The following GTF3C1 variants were observed in gnomAD, a reference collection of about 807,000 sequenced individuals.
GTF3C1 encodes the protein general transcription factor IIIC subunit 1, also known as general transcription factor 3C polypeptide 1.
In GTF3C1, 57 loss-of-function variants were observed where a neutral mutation model predicts 226.7. The ratio of observed to expected loss-of-function variants is 0.25; its 90% CI spans 0.20 to 0.31. GTF3C1 has a LOEUF of 0.31. Ranked by LOEUF, GTF3C1 falls within the 10% of genes least tolerant of loss-of-function variation. The probability of loss-of-function intolerance (pLI) is 1.00; values close to 1 mark genes in which losing one functional copy is unlikely to be tolerated. For synonymous variants in GTF3C1, 1,090 were observed against 1,084.8 expected, an observed-to-expected ratio of 1.00 and a Z score of -0.09; for missense variants, 2,217 against 2,776.1, an observed-to-expected ratio of 0.80 and a Z score of 4.53.
intron 19 of GTF3C1, among the ~76,000 whole-genome samples, chr16:27,490,416 C>T (rs915565227): frequency 5.3e-5 from 8 of 152,298 alleles, no homozygotes; most frequent in Non-Finnish European, 8.8e-5. Flanking sequence ...TTGGAGACCT[C>T]GGCTTGATGG....
In GTF3C1 at chr16:27,534,649, C is replaced by A. The variant is rs533201473; in HGVS notation, c.753-1262G>T. 2.1e-4 allele frequency among the ~76,000 whole-genome samples: 32 copies of A among 152,358 alleles called. No homozygotes were observed. In the South Asian group the frequency reaches 2.5e-3, roughly 12 times the overall value. ...ACTTAATGCAGTGTTCTCTCTCCTA[C>A]CCCACAGCTGCCACCCTGTGTTCTT... On this transcript the variant is annotated intron_variant, in intron 4 of 36. Transcript: ENST00000356183.
chr16:27,492,152 C>A lies in GTF3C1; in HGVS notation c.3151+186G>T, dbSNP rs1272284213. 1.3e-5 allele frequency among the ~76,000 whole-genome samples: 2 copies of A among 152,172 alleles called. No individual in the cohort carries two copies. The highest frequency in any genetic ancestry group is 2.9e-5 in the Non-Finnish European group (2 of 68,020). ...CAACTGAGTGGGGGAACCGGAAGCACCCCACCCATTCAAGGCCCGCCACTT... is the reference window on the plus strand; with the variant it reads ...CAACTGAGTGGGGGAACCGGAAGCAACCCACCCATTCAAGGCCCGCCACTT... On this transcript the variant is annotated intron_variant, in intron 19 of 36. Transcript: ENST00000356183. This position sits in a 1 kb window ranked among gnomAD's most constrained non-coding sequence, Gnocchi z 5.0.
chr16:27,463,439 G>A lies in GTF3C1; in HGVS notation c.5924+102C>T. ...AGGTGCCGGGCAGGCTGTCAGAGCT[G>A]GTACCTGGGGAAAGACCCTCAAAGA... is the stretch of plus-strand genomic sequence containing the variant. On this transcript the variant is annotated intron_variant, in intron 35 of 36. Transcript: ENST00000356183. This position sits in a 1 kb window ranked among gnomAD's most constrained non-coding sequence, Gnocchi z 4.9. 1.3e-6 allele frequency: 1 copy of A among 745,906 alleles called. No individual in the cohort carries two copies. The highest frequency in any genetic ancestry group is 1.8e-5 in the African/African-American group (1 of 56,726). 46.2% of individuals were successfully genotyped at this position (745,906 alleles called of 1,614,324 possible).
At chr16:27,523,199 C>T (rs971152862) in intron 6 of GTF3C1, among the ~76,000 whole-genome samples, 1 of 152,168 alleles carries the variant, frequency 6.6e-6, no homozygotes, top group Admixed American at 6.5e-5. Context: ...TTAATAAACA[C>T]AGGATGACTG....
Position 27,469,252 on chromosome 16 carries a change from G to A in GTF3C1, c.5074+39C>T, listed in dbSNP as rs775540283. ...CCTCAGGGTCTTCCTGGATGATGGC[G>A]AGGCCAGGCCCTCCCACAGCACCAG... On this transcript the variant is annotated intron_variant, in intron 32 of 36. Transcript: ENST00000356183. This position sits in a 1 kb window ranked among gnomAD's most constrained non-coding sequence, Gnocchi z 4.5. 20 of 1,522,508 alleles carry A rather than the reference G, an allele frequency of 1.3e-5. No individual in the cohort carries two copies. The highest frequency in any genetic ancestry group is 6.0e-5 in the Admixed American group (3 of 49,806). 94.3% of individuals were successfully genotyped at this position (1,522,508 alleles called of 1,614,324 possible).
At position 27,483,128 on chromosome 16, in the gene GTF3C1, G is replaced by A. The variant is rs536534746; in HGVS notation, c.4002-3C>T. Reference sequence around the variant, plus strand: ...GGTACACCTCGGCCAGGCACACTCTGCAGGAAGAGGAGACAAAGCTGAAGT... The same window carrying A: ...GGTACACCTCGGCCAGGCACACTCTACAGGAAGAGGAGACAAAGCTGAAGT... On this transcript the variant is annotated splice_region_variant and splice_polypyrimidine_tract_variant and intron_variant, in intron 25 of 36. Transcript: ENST00000356183. The A allele has an allele frequency of 5.0e-5, 81 of 1,613,902 alleles. No individual in the cohort carries two copies. In the East Asian group the frequency reaches 1.2e-3, roughly 25 times the overall value.
chr16:27,466,232 T>A (rs1212234418), intron 32 of GTF3C1: 2 of 152,206 alleles, frequency 1.3e-5, no homozygotes, highest in Non-Finnish European at 2.9e-5. Context: ...ATCAAGAGAG[T>A]CTACGGGCAC....
chr16:27,494,401 A>AT (rs1230945122), intron 16 of GTF3C1, among the ~76,000 whole-genome samples: 1 of 149,754 alleles, frequency 6.7e-6, no homozygotes, highest in Non-Finnish European at 1.5e-5. Context: ...ACTCTGTCTC[A>AT]TAAAAAAAAA....
chr16:27,513,945 G>A (rs1334962645), intron 6 of GTF3C1, among the ~76,000 whole-genome samples: 1 of 152,146 alleles, frequency 6.6e-6, no homozygotes, highest in Non-Finnish European at 1.5e-5. Context: ...GGAAAGTCAG[G>A]CCCAACCACC....
At position 27,465,270 on chromosome 16, in the gene GTF3C1, T is replaced by A; in HGVS notation, c.5345A>T (p.Asp1782Val). The A allele has an allele frequency of 6.2e-7, 1 of 1,614,036 alleles. No homozygotes were observed. Among genetic ancestry groups the A allele is most frequent in the Non-Finnish European group, 8.5e-7 (1 of 1,179,976 alleles). The change falls in exon 33 of 37, where the codon GAT (aspartate) becomes GTT (valine). Residue 1782 changes from aspartate to valine, a missense_variant. Asp to Val is a radical substitution (Grantham distance 152, BLOSUM62 -3). Transcript: ENST00000356183. Reference protein sequence around the residue: ...AGGGRTRTFADCIQALLEQHQ... With the variant: ...AGGGRTRTFAVCIQALLEQHQ... Reference sequence around the variant, plus strand: ...TAAAGCACAGCTCACCTGGATGCAATCTGCGAATGTCCTGGTGCGCCCACC... The same window carrying A: ...TAAAGCACAGCTCACCTGGATGCAAACTGCGAATGTCCTGGTGCGCCCACC...
At chr16:27,488,705 A>T (rs922152127) in intron 21 of GTF3C1, 70 bp from the exon 22 acceptor site, 2 of 1,298,196 alleles carry the variant, frequency 1.5e-6, no homozygotes, top group Non-Finnish European at 2.2e-6. Context: ...AGAGTAACAA[A>T]TGCACCGAGG....
At chr16:27,474,519 C>A (rs2087924655) in intron 29 of GTF3C1, among the ~76,000 whole-genome samples, 1 of 152,174 alleles carries the variant, frequency 6.6e-6, no homozygotes, top group Non-Finnish European at 1.5e-5. Context: ...GGAAGGCCCA[C>A]CCCACAGCCA....
rs748584220 is a variant in GTF3C1, at chr16:27,481,100, G to A, written c.4175C>T (p.Thr1392Ile). 1.2e-6 allele frequency: 2 copies of A among 1,614,002 alleles called. No individual in the cohort carries two copies. The highest frequency in any genetic ancestry group is 1.7e-5 in the Admixed American group (1 of 60,014). Residue 1392 changes from threonine (T) to isoleucine (I), a missense_variant, in exon 27 of 37, where the codon ACA (threonine) becomes ATA (isoleucine). Thr to Ile is a moderately conservative substitution (Grantham distance 89, BLOSUM62 -1). Around this residue, in one of 12 missense-constraint regions of GTF3C1, gnomAD observed 546 missense variants for 663.0 expected, o/e 0.82. Transcript: ENST00000356183. ...TTACCTGGCGAACAGCTCCTGGAGTGTGTCTGGGATTTCAAGGTTAGAATT... is the reference window on the plus strand; with the variant it reads ...TTACCTGGCGAACAGCTCCTGGAGTATGTCTGGGATTTCAAGGTTAGAATT... ...LRNSNLEIPD[T>I]LQELFARYRV...
rs2087851931 is a variant in GTF3C1, at chr16:27,470,495, A to C, written c.4527-100T>G. 2.2e-6 allele frequency: 2 copies of C among 906,080 alleles called. No individual in the cohort carries two copies. The highest frequency in any genetic ancestry group is 3.2e-5 in the South Asian group (2 of 62,672). The allele number at this position is 906,080 out of a possible 1,614,324, so 56.1% of individuals were successfully genotyped here. On this transcript the variant is annotated intron_variant, in intron 30 of 36. Coordinates refer to ENST00000356183, the MANE Select transcript of GTF3C1 (RefSeq NM_001520.4). This position sits in a 1 kb window ranked among gnomAD's most constrained non-coding sequence, Gnocchi z 4.9. ...ACGTCAAACCATTATGGTGAGAACT[A>C]AGCAAAACGCCCCACTTCTTCCCTA...
Position 27,469,689 on chromosome 16 carries a change from G to T in GTF3C1, c.4815-139C>A. 1 of 927,750 alleles carries T rather than the reference G, an allele frequency of 1.1e-6. No individual in the cohort carries two copies. Among genetic ancestry groups the T allele is most frequent in the Non-Finnish European group, 1.6e-6 (1 of 607,460 alleles). The allele number at this position is 927,750 out of a possible 1,614,324, so 57.5% of individuals were successfully genotyped here. A position where few individuals can be genotyped will look rare whatever the true frequency, so the allele number is the denominator to read the frequency against. On this transcript the variant is annotated intron_variant, in intron 31 of 36. Coordinates refer to ENST00000356183, the MANE Select transcript of GTF3C1 (RefSeq NM_001520.4). The surrounding 1 kb of genome is among the most constrained non-coding windows in gnomAD (Gnocchi z 4.5). ...CTGGCTATGCTTCATTACCAAGGCT[G>T]GTGTGGATGGCTGCCCCAGATCCAT... is the stretch of plus-strand genomic sequence containing the variant.
intron 7 of GTF3C1, among the ~76,000 whole-genome samples, chr16:27,510,441 C>T (rs1293132986): frequency 6.6e-5 from 10 of 151,842 alleles, no homozygotes; most frequent in Admixed American, 6.6e-4. Flanking sequence ...CCTGTGATCC[C>T]AGCTACTTGG....
chr16:27,469,195 G>T lies in GTF3C1; in HGVS notation c.5074+96C>A. On this transcript the variant is annotated intron_variant, in intron 32 of 36. Transcript: ENST00000356183. This position sits in a 1 kb window ranked among gnomAD's most constrained non-coding sequence, Gnocchi z 4.5. ...TGTTCTGTGGCTGCACGCCTGGCCTGGGGAGCCTGAAGGTCTAGGTCCCAG... is the reference window on the plus strand; with the variant it reads ...TGTTCTGTGGCTGCACGCCTGGCCTTGGGAGCCTGAAGGTCTAGGTCCCAG... 1 of 1,281,188 alleles carries T rather than the reference G, an allele frequency of 7.8e-7. No individual in the cohort carries two copies. The highest frequency in any genetic ancestry group is 1.1e-6 in the Non-Finnish European group (1 of 945,368). 79.4% of individuals were successfully genotyped at this position (1,281,188 alleles called of 1,614,324 possible).
chr16:27,487,435 T>C (rs2088159151), intron 23 of GTF3C1, among the ~76,000 whole-genome samples: 1 of 152,236 alleles, frequency 6.6e-6, no homozygotes, highest in Admixed American at 6.5e-5. Context: ...CTATAAATAC[T>C]GGCCGGATGA....
At chr16:27,474,544 G>C (rs2087924997) in intron 29 of GTF3C1, among the ~76,000 whole-genome samples, 1 of 152,098 alleles carries the variant, frequency 6.6e-6, no homozygotes, top group East Asian at 1.9e-4. Flanking sequence ...TCGGAAATTT[G>C]GACTCCTGTG....
Sources: gnomAD v4.1 joint callset for allele counts (sites outside exome capture counted in the v4.1 genomes callset) on GRCh38, gnomAD v4.1.1 for gene constraint, gnomAD v4.1.1 regional missense constraint, Gnocchi (gnomAD v3.1) non-coding constraint, MANE v1.5 for transcripts, NCBI Gene and HGNC (gene_info 2026-07-23, HGNC 2026-07-21) for gene names.